NBAS: variants seen among roughly 807,000 people sequenced by gnomAD.
The protein encoded by NBAS is NAG/BC035112 fusion.
NBAS carries 219 observed loss-of-function variants against 302.5 expected under a neutral mutation model. That is an observed-to-expected ratio of 0.72 (90% confidence interval 0.65 to 0.81). NBAS has a LOEUF of 0.81. Among genes scored for constraint, NBAS ranks in the 30% least tolerant of loss-of-function variants. NBAS has a pLI of 0.00. For synonymous variants in NBAS, 1,118 were observed against 1,021.6 expected (o/e 1.09, Z -1.80); for missense variants, 2,932 against 2,841.6 (o/e 1.03, Z -0.72).
At chr2:15,185,680 G>C (rs1196201342) in intron 50 of NBAS, among the ~76,000 whole-genome samples, 1 of 152,094 alleles carries the variant, frequency 6.6e-6, no homozygotes, top group Non-Finnish European at 1.5e-5. Context: ...CTAGAGTAAG[G>C]GGAGGTAATT....
the NBAS span, among the ~76,000 whole-genome samples, chr2:14,883,581 G>A: frequency 6.6e-6 from 1 of 152,136 alleles, no homozygotes; most frequent in Non-Finnish European, 1.5e-5. Flanking sequence ...ATGATTTGGA[G>A]TCAAGAAATA....
intron 44 of NBAS, 73 bp from the exon 45 acceptor site, chr2:15,238,759 GT>G: frequency 7.3e-7 from 1 of 1,371,530 alleles, no homozygotes; most frequent in Non-Finnish European, 1.0e-6. Context: ...GTGTTAATGA[GT>G]TAGAACAAAA....
chr2:15,551,639 A>C, intron 5 of NBAS, 103 bp from the exon 6 acceptor site: 5 of 743,064 alleles, frequency 6.7e-6, no homozygotes, highest in Non-Finnish European at 1.1e-5. Flanking sequence ...TACAATGCTC[A>C]ATCATATCTC....
At chr2:14,920,830 G>A in the NBAS span, among the ~76,000 whole-genome samples, 1 of 151,898 alleles carries the variant, frequency 6.6e-6, no homozygotes, top group Non-Finnish European at 1.5e-5. Context: ...TGGTTTAAGG[G>A]AATGATGTGG....
At chr2:15,181,871 G>T in intron 50 of NBAS, among the ~76,000 whole-genome samples, 1 of 152,294 alleles carries the variant, frequency 6.6e-6, no homozygotes, top group Middle Eastern at 3.4e-3. Context: ...AGGAACTAGG[G>T]GCACAAGGTA....
At chr2:15,461,137 C>T in intron 21 of NBAS, 64 bp downstream of exon 21, 7 of 1,427,716 alleles carry the variant, frequency 4.9e-6, no homozygotes, top group Non-Finnish European at 6.9e-6. Context: ...TTAAGGTGTT[C>T]AGCATGACAA....
chr2:14,814,905 A>G, the NBAS span, among the ~76,000 whole-genome samples: 1 of 152,100 alleles, frequency 6.6e-6, no homozygotes, highest in Non-Finnish European at 1.5e-5. Flanking sequence ...GTGGTTTCTA[A>G]CTGTTTAGCA....
chr2:14,964,452 A>G, the NBAS span, among the ~76,000 whole-genome samples: 10 of 152,286 alleles, frequency 6.6e-5, no homozygotes, highest in African/African-American at 2.2e-4. Flanking sequence ...ATTCAAAACA[A>G]AACACAGAGC....
At chr2:15,271,243 C>G (rs1266564743) in intron 44 of NBAS, among the ~76,000 whole-genome samples, 1 of 152,078 alleles carries the variant, frequency 6.6e-6, no homozygotes, top group Non-Finnish European at 1.5e-5. Context: ...CAGAACCAAA[C>G]AGTGGAGATC....
intron 9 of NBAS, among the ~76,000 whole-genome samples, chr2:15,526,315 TA>T (rs1374533965): frequency 1.3e-5 from 2 of 152,198 alleles, no homozygotes; most frequent in African/African-American, 4.8e-5. Context: ...GCTTCTCAAT[TA>T]ATTTTTGTTT....
At chr2:15,126,832 GATTTC>G in the NBAS span, among the ~76,000 whole-genome samples, 2 of 152,154 alleles carry the variant, frequency 1.3e-5, no homozygotes, top group Non-Finnish European at 2.9e-5. Context: ...CTACAAACTT[GATTTC>G]ATTTCATCTT....
intron 41 of NBAS, among the ~76,000 whole-genome samples, chr2:15,290,966 T>C (rs1368561033): frequency 1.3e-5 from 2 of 152,170 alleles, no homozygotes; most frequent in African/African-American, 2.4e-5. Context: ...CAAGATGAGT[T>C]TGCCACCTTC....
chr2:15,211,668 ACTG>A (rs1666417230), intron 48 of NBAS, among the ~76,000 whole-genome samples: 1 of 152,192 alleles, frequency 6.6e-6, no homozygotes, highest in African/African-American at 2.4e-5. Flanking sequence ...AAAGATCATC[ACTG>A]CTGAGATCAT....
the NBAS span, among the ~76,000 whole-genome samples, chr2:15,049,506 G>A: frequency 6.6e-6 from 1 of 152,222 alleles, no homozygotes; most frequent in Non-Finnish European, 1.5e-5. Context: ...TTGATAGGGA[G>A]AGGAGGGGTT....
At chr2:14,931,475 G>T in the NBAS span, among the ~76,000 whole-genome samples, 4 of 152,150 alleles carry the variant, frequency 2.6e-5, no homozygotes, top group Non-Finnish European at 5.9e-5. Context: ...GTATCCTACT[G>T]CACCACATGT....
downstream of NBAS, among the ~76,000 whole-genome samples, chr2:15,162,083 A>G (rs1307116930): frequency 6.6e-6 from 1 of 152,182 alleles, no homozygotes; most frequent in African/African-American, 2.4e-5. Flanking sequence ...GTGGACAGAA[A>G]ACAGATACAG....
the NBAS span, among the ~76,000 whole-genome samples, chr2:14,887,094 C>T: frequency 6.6e-6 from 1 of 152,082 alleles, no homozygotes; most frequent in Admixed American, 6.6e-5. Flanking sequence ...TCATATTGAA[C>T]TGACATGCTT....
chr2:15,153,366 G>T, the NBAS span, among the ~76,000 whole-genome samples: 1 of 152,220 alleles, frequency 6.6e-6, no homozygotes, highest in Non-Finnish European at 1.5e-5. Flanking sequence ...CCCTGAGAAG[G>T]CTATTTGTGG....
chr2:15,260,486 T>C (rs1357663704), intron 44 of NBAS, among the ~76,000 whole-genome samples: 2 of 152,004 alleles, frequency 1.3e-5, no homozygotes. Context: ...CCTTTAAGCT[T>C]CTGAGTGACC....
Sources: allele counts gnomAD v4.1 joint callset (sites outside exome capture counted in the v4.1 genomes callset), GRCh38; gene constraint gnomAD v4.1.1; transcripts MANE v1.5; gene names NCBI Gene and HGNC (gene_info 2026-07-23, HGNC 2026-07-21).